The following EP300 variants were observed in gnomAD, a reference collection of about 807,000 sequenced individuals.
EP300 encodes EP300 lysine acetyltransferase, also known as histone acetyltransferase p300.
In EP300, 31 loss-of-function variants were observed where a neutral mutation model predicts 264.0. The observed-to-expected ratio is 0.12, with a 90% CI of 0.09 to 0.16. The LOEUF (loss-of-function observed/expected upper bound fraction) is 0.16. EP300 is among the 10% of genes least tolerant of loss of function. The pLI, the probability that EP300 is intolerant of heterozygous loss-of-function variation, is 1.00. For missense variants in EP300, 2,766 were observed against 3,052.9 expected (o/e 0.91, Z 2.21); for synonymous variants, 1,340 against 1,045.4 (o/e 1.28, Z -5.44).
Position 41,179,771 on chromosome 22 carries a change from AAATT to A in EP300, c.*818_*821del, listed in dbSNP as rs1287206634. On this transcript the variant is annotated 3_prime_UTR_variant, in exon 31 of 31. Transcript: ENST00000263253. ...TATTTTTACATCTAACAAAGTAAAAAAATTAAAAAGAGGGTAAGAAACGATTCCG... is the reference window on the plus strand; with the variant it reads ...TATTTTTACATCTAACAAAGTAAAAAAAAAAGAGGGTAAGAAACGATTCCG... 3 of 231,614 alleles carry A rather than the reference AAATT, an allele frequency of 1.3e-5. No homozygotes were observed. Among genetic ancestry groups the A allele is most frequent in the Non-Finnish European group, 2.6e-5 (3 of 116,990 alleles). 14.3% of individuals were successfully genotyped at this position (231,614 alleles called of 1,614,324 possible).
At chr22:41,119,745 T>C (rs181471213) in intron 2 of EP300, among the ~76,000 whole-genome samples, 328 of 152,288 alleles carry the variant, frequency 2.2e-3, no homozygotes, top group Non-Finnish European at 3.3e-3. Flanking sequence ...ATCCCTGTCC[T>C]TGTGGAGCTT....
Position 41,176,303 on chromosome 22 carries a change from T to C in EP300, c.4836T>C (p.Ile1612=), listed in dbSNP as rs1717231594. ...CTGCTGCCAACTCCCTGCCTCCCAT[T>C]GTTGATCCTGATCCTCTCATCCCCT... The part of the protein sequence containing the change: ...AGPAANSLPP[I]VDPDPLIPCD... The change falls in exon 30 of 31, where the codon ATT becomes ATC. Residue 1612 remains isoleucine, a synonymous_variant. Coordinates refer to ENST00000263253, the MANE Select transcript of EP300 (RefSeq NM_001429.4). The C allele has an allele frequency of 6.2e-7, 1 of 1,614,172 alleles. No individual in the cohort carries two copies. Among genetic ancestry groups the C allele is most frequent in the Non-Finnish European group, 8.5e-7 (1 of 1,180,028 alleles).
intron 1 of EP300, among the ~76,000 whole-genome samples, chr22:41,099,053 GT>G (rs1229968098): frequency 6.6e-6 from 1 of 152,094 alleles, no homozygotes; most frequent in African/African-American, 2.4e-5. Flanking sequence ...GTGGTAGATG[GT>G]TTGGGGGTTG....
At position 41,093,075 on chromosome 22, in the gene EP300, C is replaced by T. The variant is rs373061594; in HGVS notation, c.71C>T (p.Ser24Leu). 6 of 1,614,116 alleles carry T rather than the reference C, an allele frequency of 3.7e-6. No individual in the cohort carries two copies. Among genetic ancestry groups the T allele is most frequent in the Non-Finnish European group, 5.1e-6 (6 of 1,180,020 alleles). The change falls in exon 1 of 31, where the codon TCG (serine) becomes TTG (leucine). Residue 24 changes from serine (S) to leucine (L), a missense_variant. By Grantham distance (145) the Ser-to-Leu change is moderately radical. Transcript: ENST00000263253. ...KRPKLSSPAL[S>L]ASASDGTDFG... ...CCTAAACTCTCATCTCCGGCCCTCT[C>T]GGCGTCCGCCAGCGATGGCACAGGT...
rs2145733987 is a variant in EP300, at chr22:41,147,832, C to A, written c.2132-5C>A. On this transcript the variant is annotated splice_polypyrimidine_tract_variant and splice_region_variant and intron_variant, in intron 11 of 30. Transcript: ENST00000263253. ...TCAGATCTAACATTTTGCTCATATT[C>A]ACAGGTTTGAATCAATTTGGCCAGA... 1 of 1,605,620 alleles carries A rather than the reference C, an allele frequency of 6.2e-7. No individual in the cohort carries two copies. Among genetic ancestry groups the A allele is most frequent in the Non-Finnish European group, 8.5e-7 (1 of 1,172,326 alleles).
chr22:41,102,884 C>T (rs983236070), intron 1 of EP300, among the ~76,000 whole-genome samples: 6 of 152,126 alleles, frequency 3.9e-5, no homozygotes, highest in Admixed American at 2.6e-4. Flanking sequence ...TTGAGACAAT[C>T]TCTGACCCAG....
intron 22 of EP300, among the ~76,000 whole-genome samples, chr22:41,164,371 T>A (rs2059123843): frequency 6.6e-6 from 1 of 152,258 alleles, no homozygotes; most frequent in Non-Finnish European, 1.5e-5. Context: ...TATTTTATTC[T>A]GCTGGATTGT....
rs780440242 is a variant in EP300 at position 41,117,543 on chromosome 22, A to G, written c.451A>G (p.Thr151Ala). Residue 151 changes from threonine to alanine, a missense_variant, in exon 2 of 31, where the codon ACA (threonine) becomes GCA (alanine). Thr to Ala is a moderately conservative substitution (Grantham distance 58, BLOSUM62 0). Coordinates refer to ENST00000263253, the MANE Select transcript of EP300 (RefSeq NM_001429.4). Reference sequence around the variant, plus strand: ...ACCAAATCAGGGTCCTACGCAGTCAACAGGTATGATGAACAGTCCAGTAAA... The same window carrying G: ...ACCAAATCAGGGTCCTACGCAGTCAGCAGGTATGATGAACAGTCCAGTAAA... Reference protein sequence around the residue: ...SGPNQGPTQSTGMMNSPVNQP... With the variant: ...SGPNQGPTQSAGMMNSPVNQP... The G allele has an allele frequency of 2.4e-5, 39 of 1,614,288 alleles. No individual in the cohort carries two copies. The highest frequency in any genetic ancestry group is 2.9e-5 in the Non-Finnish European group (34 of 1,180,052).
At chr22:41,144,315 G>A (rs1040139782) in intron 10 of EP300, among the ~76,000 whole-genome samples, 1 of 151,988 alleles carries the variant, frequency 6.6e-6, no homozygotes, top group African/African-American at 2.4e-5. Flanking sequence ...TGTGAAAGAT[G>A]GACATTTTTG....
chr22:41,148,738 A>T, intron 12 of EP300: 1 of 440,508 alleles, frequency 2.3e-6, no homozygotes, highest in Non-Finnish European at 4.2e-6. Context: ...ATGCAAAGAA[A>T]ATTACCTGCT....
chr22:41,115,851 A>G (rs541673137), intron 1 of EP300, among the ~76,000 whole-genome samples: 2 of 152,250 alleles, frequency 1.3e-5, no homozygotes, highest in African/African-American at 2.4e-5. Flanking sequence ...TTAAAGGCCT[A>G]CTTTGAGGCA....
intron 27 of EP300, among the ~76,000 whole-genome samples, chr22:41,171,652 CT>C (rs1346963518): frequency 0.021 from 3,050 of 143,920 alleles, 80 homozygotes; most frequent in African/African-American, 0.066. Context: ...TATATTCTCC[CT>C]TTTTTTTTTT....
At chr22:41,109,264 A>C (rs938974114) in intron 1 of EP300, among the ~76,000 whole-genome samples, 8 of 151,808 alleles carry the variant, frequency 5.3e-5, no homozygotes, top group African/African-American at 9.7e-5. Flanking sequence ...AAAAAAAAAA[A>C]AAAACAAAAA....
At position 41,166,685 on chromosome 22, in the gene EP300, G is replaced by GGT. The variant is rs1365896719; in HGVS notation, c.3874+20_3874+21dup. 18 of 1,591,526 alleles carry GGT rather than the reference G, an allele frequency of 1.1e-5. No homozygotes were observed. The highest frequency in any genetic ancestry group is 1.5e-5 in the Non-Finnish European group (17 of 1,162,394). On this transcript the variant is annotated intron_variant, in intron 23 of 30. Transcript: ENST00000263253. Reference sequence around the variant, plus strand: ...GCTAAAAGTAAGTTTTATTCTTAAAGGTAAATTTTGGCAAAACTTATCTGA... The same window carrying GGT: ...GCTAAAAGTAAGTTTTATTCTTAAAGGTGTAAATTTTGGCAAAACTTATCTGA...
At chr22:41,163,289 G>T (rs1441793100) in intron 21 of EP300, among the ~76,000 whole-genome samples, 2 of 151,222 alleles carry the variant, frequency 1.3e-5, no homozygotes, top group Non-Finnish European at 2.9e-5. Context: ...CAAAAAATTA[G>T]CCGGGCGTAG....
chr22:41,156,581 C>T (rs532626752), intron 17 of EP300, among the ~76,000 whole-genome samples: 71 of 152,094 alleles, frequency 4.7e-4, no homozygotes, highest in African/African-American at 1.6e-3. Flanking sequence ...AGTAACTGGG[C>T]GTGGTGGTGC....
chr22:41,140,118 T>G (rs915432008), intron 8 of EP300, 22 bp from the exon 9 acceptor site: 2 of 1,503,160 alleles, frequency 1.3e-6, no homozygotes, highest in African/African-American at 2.8e-5. Context: ...GATATTACAG[T>G]GGTAGGATTT....
Position 41,160,660 on chromosome 22 carries a change from G to A in EP300, c.3609G>A (p.Lys1203=), listed in dbSNP as rs750162474. The stretch of plus-strand genomic sequence containing the variant: ...CCGACAGGTATCATTTCTGTGAGAA[G>A]TGTTTCAATGAGATCCAAGGGGAGA... The part of the protein sequence containing the change: ...SYQNRYHFCE[K]CFNEIQGESV... Residue 1203 remains lysine, a synonymous_variant, in exon 20 of 31, where the codon AAG becomes AAA. Coordinates refer to ENST00000263253, the MANE Select transcript of EP300 (RefSeq NM_001429.4). The A allele has an allele frequency of 5.0e-6, 8 of 1,614,084 alleles. No homozygotes were observed. Among genetic ancestry groups the A allele is most frequent in the African/African-American group, 1.3e-5 (1 of 75,024 alleles).
At chr22:41,167,783 C>G (rs2059146908) in intron 23 of EP300, among the ~76,000 whole-genome samples, 1 of 133,018 alleles carries the variant, frequency 7.5e-6, no homozygotes, top group African/African-American at 2.8e-5. Flanking sequence ...AGCCTTGTCT[C>G]CTGGCCATTG....
Sources: gnomAD v4.1 joint callset for allele counts (sites outside exome capture counted in the v4.1 genomes callset) on GRCh38, gnomAD v4.1.1 for gene constraint, MANE v1.5 for transcripts, NCBI Gene and HGNC (gene_info 2026-07-23, HGNC 2026-07-21) for gene names.